TAOK1: variants seen among roughly 807,000 people sequenced by gnomAD.
TAOK1 encodes the protein TAO kinase 1, also known as serine/threonine-protein kinase TAO1.
Under a neutral mutation model 138.3 loss-of-function variants are expected in TAOK1, and 21 were observed. That is an observed-to-expected ratio of 0.15 (90% confidence interval 0.11 to 0.22). The LOEUF is 0.22. Among genes scored for constraint, TAOK1 ranks in the 10% least tolerant of loss-of-function variants. The pLI is 1.00. For missense variants in TAOK1, 651 were observed against 1,227.7 expected (o/e 0.53, Z 7.02); for synonymous variants, 361 against 398.4 (o/e 0.91, Z 1.12).
At chr17:29,395,593 A>G (rs548040651) in intron 1 of TAOK1, among the ~76,000 whole-genome samples, 5 of 151,638 alleles carry the variant, frequency 3.3e-5, no homozygotes, top group African/African-American at 1.2e-4. Context: ...TAAAATTGAG[A>G]TGTTCATTAA....
chr17:29,522,199 C>T, intron 16 of TAOK1, 81 bp from the exon 17 acceptor site: 3 of 1,520,030 alleles, frequency 2.0e-6, no homozygotes, highest in Non-Finnish European at 1.8e-6. Flanking sequence ...CATCTGTTTA[C>T]TGGTTATTCT....
intron 1 of TAOK1, among the ~76,000 whole-genome samples, chr17:29,439,126 T>G (rs576128796): frequency 7.6e-4 from 115 of 152,242 alleles, no homozygotes; most frequent in South Asian, 2.3e-3. Flanking sequence ...GATAGGAAAT[T>G]TAGCAGCGAT....
intron 18 of TAOK1, among the ~76,000 whole-genome samples, chr17:29,533,810 C>G (rs1016866527): frequency 1.9e-3 from 10 of 5,314 alleles, no homozygotes; most frequent in African/African-American, 0.011. Context: ...AGCTTCGGCT[C>G]GGCATCAGAG....
chr17:29,487,485 G>C (rs1463091226), intron 8 of TAOK1, among the ~76,000 whole-genome samples: 3 of 152,120 alleles, frequency 2.0e-5, no homozygotes, highest in Non-Finnish European at 4.4e-5. Context: ...GAGCGTGTCT[G>C]AGAGCAGTGA....
chr17:29,530,313 T>G (rs983025077), intron 17 of TAOK1, 94 bp from the exon 18 acceptor site: 21 of 1,133,848 alleles, frequency 1.9e-5, no homozygotes, highest in Non-Finnish European at 2.5e-5. Flanking sequence ...TCTCATTTTT[T>G]TCCTAGTAGC....
intron 16 of TAOK1, among the ~76,000 whole-genome samples, chr17:29,518,000 T>G (rs954142222): frequency 3.9e-5 from 6 of 152,074 alleles, no homozygotes; most frequent in Admixed American, 6.6e-5. Context: ...GGATTACAGG[T>G]GTGCACCACC....
chr17:29,449,834 CTG>C, intron 1 of TAOK1, among the ~76,000 whole-genome samples: 1 of 152,110 alleles, frequency 6.6e-6, no homozygotes, highest in Middle Eastern at 3.4e-3. Flanking sequence ...GAGTGAGACT[CTG>C]TCTCAAAAAA....
intron 1 of TAOK1, among the ~76,000 whole-genome samples, chr17:29,410,528 C>T (rs1314825802): frequency 2.6e-5 from 4 of 151,748 alleles, no homozygotes; most frequent in African/African-American, 9.7e-5. Flanking sequence ...GCTGGGATAA[C>T]AGGCGCGAGC....
rs534181660 is a variant in TAOK1 at position 29,488,582 on chromosome 17, T to A, written c.656-1082T>A. Among the ~76,000 whole-genome samples the A allele has an allele frequency of 7.5e-4, 102 of 135,978 alleles. 1 individual carries two copies. Among genetic ancestry groups the A allele is most frequent in the African/African-American group, 1.9e-3 (57 of 30,578 alleles). The allele number at this position is 135,978 out of a possible 152,430, so 89.2% of individuals were successfully genotyped here. On this transcript the variant is annotated intron_variant, in intron 8 of 19. Coordinates refer to ENST00000261716, the MANE Select transcript of TAOK1 (RefSeq NM_020791.4). Reference sequence around the variant, plus strand: ...AGTGAAACCACATCTCAAAAAATAATAATAATAATAATAATAATAATAATA... The same window carrying A: ...AGTGAAACCACATCTCAAAAAATAAAAATAATAATAATAATAATAATAATA...
rs750978894 is a variant in TAOK1 at position 29,542,825 on chromosome 17, A to T, written c.2809A>T (p.Met937Leu). ...CCCACCACAAGCTTGGGGCCATCCA[A>T]TGCAAGGTGGACCCCAGCCATGGGG... ...GGPPQAWGHP[M>L]QGGPQPWGHP... Residue 937 changes from methionine (M) to leucine (L), a missense_variant, in exon 20 of 20, where the codon ATG (methionine) becomes TTG (leucine). Coordinates refer to ENST00000261716, the MANE Select transcript of TAOK1 (RefSeq NM_020791.4). 12 of 1,614,150 alleles carry T rather than the reference A, an allele frequency of 7.4e-6. No individual in the cohort carries two copies. The highest frequency in any genetic ancestry group is 9.3e-6 in the Non-Finnish European group (11 of 1,180,022).
At chr17:29,514,840 A>AG (rs1215668962) in intron 15 of TAOK1, 1 of 151,692 alleles carries the variant, frequency 6.6e-6, no homozygotes, top group African/African-American at 2.4e-5. Context: ...AAAAAAAAAA[A>AG]AAAAAATCAT....
intron 13 of TAOK1, among the ~76,000 whole-genome samples, chr17:29,506,863 G>A (rs55990378): frequency 0.015 from 2,328 of 152,230 alleles, 57 homozygotes; most frequent in African/African-American, 0.053. Context: ...TCCATCAATG[G>A]ATGAGTGGAT....
At chr17:29,482,961 C>T (rs1450902224) in intron 8 of TAOK1, among the ~76,000 whole-genome samples, 1 of 152,170 alleles carries the variant, frequency 6.6e-6, no homozygotes, top group Non-Finnish European at 1.5e-5. Flanking sequence ...AGCCAATAAA[C>T]TGTCACTGTA....
chr17:29,527,041 G>A (rs765106527), intron 17 of TAOK1, among the ~76,000 whole-genome samples: 2 of 151,962 alleles, frequency 1.3e-5, no homozygotes, highest in Non-Finnish European at 1.5e-5. Context: ...CAAGAGAATC[G>A]CTTGAACCAC....
At chr17:29,404,439 G>A (rs1447347174) in intron 1 of TAOK1, among the ~76,000 whole-genome samples, 2 of 152,108 alleles carry the variant, frequency 1.3e-5, no homozygotes, top group African/African-American at 4.8e-5. Context: ...CAGGATTACA[G>A]GCATGAGCCA....
chr17:29,419,612 C>T (rs1361374699), intron 1 of TAOK1, among the ~76,000 whole-genome samples: 2 of 151,716 alleles, frequency 1.3e-5, no homozygotes, highest in Admixed American at 6.6e-5. Flanking sequence ...CCACCTCAAC[C>T]TCCTAAATAG....
chr17:29,488,576 AAATAATAATAAT>A (rs150004739), intron 8 of TAOK1, among the ~76,000 whole-genome samples: 1 of 145,482 alleles, frequency 6.9e-6, no homozygotes, highest in Non-Finnish European at 1.5e-5. Context: ...ACATCTCAAA[AAATAATAATAAT>A]AATAATAATA....
intron 1 of TAOK1, among the ~76,000 whole-genome samples, chr17:29,441,468 G>A (rs1450483506): frequency 6.6e-6 from 1 of 152,160 alleles, no homozygotes; most frequent in African/African-American, 2.4e-5. Flanking sequence ...AATTTAGTCT[G>A]TTGAAATGTT....
At chr17:29,519,086 A>G (rs1025726572) in intron 16 of TAOK1, among the ~76,000 whole-genome samples, 1 of 152,216 alleles carries the variant, frequency 6.6e-6, no homozygotes, top group Non-Finnish European at 1.5e-5. Flanking sequence ...ACATATGAGG[A>G]AATTCACTGG....
Sources: allele counts gnomAD v4.1 joint callset (sites outside exome capture counted in the v4.1 genomes callset), GRCh38; gene constraint gnomAD v4.1.1; transcripts MANE v1.5; gene names NCBI Gene and HGNC (gene_info 2026-07-23, HGNC 2026-07-21).